The following PTBP3 variants were observed in gnomAD, a reference collection of about 807,000 sequenced individuals.
The protein encoded by PTBP3 is polypyrimidine tract binding protein 3.
Under a neutral mutation model 58.7 loss-of-function variants are expected in PTBP3, and 20 were observed. The observed-to-expected ratio is 0.34, with a 90% CI of 0.24 to 0.50. The LOEUF (loss-of-function observed/expected upper bound fraction) is 0.50, where lower values mean the gene tolerates loss of function less well. Ranked by LOEUF, PTBP3 falls within the 20% of genes least tolerant of loss-of-function variation. PTBP3 has a pLI of 0.98. For missense variants in PTBP3, 509 were observed against 637.2 expected (o/e 0.80, Z 2.17); for synonymous variants, 185 against 219.8 (o/e 0.84, Z 1.40).
chr9:112,273,756 C>A (rs1020462910), intron 3 of PTBP3, among the ~76,000 whole-genome samples: 4 of 152,090 alleles, frequency 2.6e-5, no homozygotes, highest in Admixed American at 2.0e-4. Flanking sequence ...CCCATTTGGC[C>A]CCTGACACTC....
At chr9:112,352,794 A>C in the PTBP3 span, among the ~76,000 whole-genome samples, 1 of 152,144 alleles carries the variant, frequency 6.6e-6, no homozygotes, top group Non-Finnish European at 1.5e-5. Flanking sequence ...TCAGTTGCAT[A>C]GTTTGACTAT....
At chr9:112,296,997 A>G (rs538258955) in intron 2 of PTBP3, among the ~76,000 whole-genome samples, 112 of 152,328 alleles carry the variant, frequency 7.4e-4, no homozygotes, top group African/African-American at 2.6e-3. Context: ...CAATAATCCA[A>G]ATAAAGGATA....
chr9:112,277,089 T>C (rs1299720347), intron 2 of PTBP3, among the ~76,000 whole-genome samples: 2 of 152,162 alleles, frequency 1.3e-5, no homozygotes, highest in African/African-American at 4.8e-5. Context: ...AAAACTAATA[T>C]AGCTATATTT....
chr9:112,290,621 G>A (rs1589873505), intron 2 of PTBP3, among the ~76,000 whole-genome samples: 1 of 147,100 alleles, frequency 6.8e-6, no homozygotes, highest in Admixed American at 6.8e-5. Flanking sequence ...GCAGTGAGCC[G>A]AGACCACGCC....
At chr9:112,317,192 C>G (rs1483059602) in intron 1 of PTBP3, among the ~76,000 whole-genome samples, 1 of 151,750 alleles carries the variant, frequency 6.6e-6, no homozygotes, top group East Asian at 1.9e-4. Flanking sequence ...TTGCAGTGAG[C>G]TGAGACTGCA....
intron 7 of PTBP3, among the ~76,000 whole-genome samples, chr9:112,235,868 G>C (rs1381207717): frequency 6.6e-6 from 1 of 152,078 alleles, no homozygotes. Context: ...ACTAGCCCTA[G>C]AAACAGGAAA....
chr9:112,246,694 AAAAAAAAAAAAG>A (rs999336506), intron 7 of PTBP3, among the ~76,000 whole-genome samples: 14 of 147,830 alleles, frequency 9.5e-5, no homozygotes, highest in Admixed American at 2.0e-4. Flanking sequence ...CTCTGTCTCA[AAAAAAAAAAAAG>A]AAAAAGAAAA....
Position 112,221,959 on chromosome 9 carries a change from G to GTGGC in PTBP3, c.*1888_*1891dup. 1 of 930,590 alleles carries GTGGC rather than the reference G, an allele frequency of 1.1e-6. No homozygotes were observed. The allele number at this position is 930,590 out of a possible 1,614,324, so 57.6% of individuals were successfully genotyped here. ...CACTATGTTCCAGGGCTGGAGTGAA[G>GTGGC]TGGCTATTCACAAATGTGATCATAG... On this transcript the variant is annotated 3_prime_UTR_variant, in exon 14 of 14. Transcript: ENST00000374257.
intron 2 of PTBP3, among the ~76,000 whole-genome samples, chr9:112,295,600 G>GT (rs1265468456): frequency 1.6e-4 from 11 of 69,018 alleles, no homozygotes; most frequent in African/African-American, 4.8e-4. Context: ...GGTTCTGTTG[G>GT]TAAAAAAAAA....
intron 11 of PTBP3, 57 bp downstream of exon 11, chr9:112,228,323 T>C: frequency 7.7e-7 from 1 of 1,295,764 alleles, no homozygotes; most frequent in Non-Finnish European, 1.1e-6. Context: ...TGAAGGAAAA[T>C]TCACACACAA....
intron 7 of PTBP3, among the ~76,000 whole-genome samples, chr9:112,245,414 T>A (rs143481258): frequency 1.3e-5 from 2 of 152,280 alleles, no homozygotes; most frequent in African/African-American, 4.8e-5. Context: ...TTGAGGCTAA[T>A]AGGAATCACA....
At chr9:112,316,865 G>A (rs997787071) in intron 1 of PTBP3, among the ~76,000 whole-genome samples, 2 of 151,908 alleles carry the variant, frequency 1.3e-5, no homozygotes, top group African/African-American at 4.8e-5. Context: ...CCAGCTACTT[G>A]AGAGGCTGAG....
chr9:112,221,653 C>G lies in PTBP3; in HGVS notation c.*2198G>C. 1.0e-6 allele frequency: 1 copy of G among 985,240 alleles called. No individual in the cohort carries two copies. The highest frequency in any genetic ancestry group is 1.7e-5 in the African/African-American group (1 of 57,318). The allele number at this position is 985,240 out of a possible 1,614,324, so 61.0% of individuals were successfully genotyped here. On this transcript the variant is annotated 3_prime_UTR_variant, in exon 14 of 14. Coordinates refer to ENST00000374257, the MANE Select transcript of PTBP3 (RefSeq NM_001163788.4). ...ATTTCATAAGTAAAAAAACAAAAAA[C>G]TAAAAACTCCCACAACTACATACAT...
chr9:112,290,205 A>AG (rs1200457888), intron 2 of PTBP3, among the ~76,000 whole-genome samples: 1 of 152,208 alleles, frequency 6.6e-6, no homozygotes, highest in Non-Finnish European at 1.5e-5. Flanking sequence ...CAAGTTAAAG[A>AG]GAAAAAGCAA....
chr9:112,231,923 AGAAG>A (rs1835219006), intron 9 of PTBP3, among the ~76,000 whole-genome samples, 172 bp downstream of exon 9: 1 of 45,264 alleles, frequency 2.2e-5, no homozygotes, highest in Admixed American at 2.8e-4. Context: ...AGAAGAGAAG[AGAAG>A]AGAAGAGAAG....
chr9:112,230,997 T>C (rs1835177663), intron 10 of PTBP3, among the ~76,000 whole-genome samples: 1 of 140,888 alleles, frequency 7.1e-6, no homozygotes, highest in South Asian at 2.1e-4. Flanking sequence ...GTCTCCATTA[T>C]GCTTGCCTAT....
At chr9:112,302,145 T>C (rs1828961986) in intron 1 of PTBP3, among the ~76,000 whole-genome samples, 1 of 151,944 alleles carries the variant, frequency 6.6e-6, no homozygotes, top group Non-Finnish European at 1.5e-5. Flanking sequence ...AGATAACATA[T>C]ACCAGAAACT....
intron 1 of PTBP3, among the ~76,000 whole-genome samples, chr9:112,317,983 C>T (rs938631072): frequency 6.6e-6 from 1 of 152,098 alleles, no homozygotes; most frequent in Admixed American, 6.6e-5. Context: ...AACAACTTTA[C>T]ATGCATAAAT....
intron 5 of PTBP3, among the ~76,000 whole-genome samples, chr9:112,260,084 T>C (rs1405503236): frequency 1.3e-5 from 2 of 152,142 alleles, no homozygotes; most frequent in Non-Finnish European, 2.9e-5. Context: ...ATTTTTTATA[T>C]TTTTAGAAGA....
Sources: allele counts gnomAD v4.1 joint callset (sites outside exome capture counted in the v4.1 genomes callset), GRCh38; gene constraint gnomAD v4.1.1; transcripts MANE v1.5; gene names NCBI Gene and HGNC (gene_info 2026-07-23, HGNC 2026-07-21).